The following EP300 variants were observed in gnomAD, a reference collection of about 807,000 sequenced individuals.
EP300 encodes EP300 lysine acetyltransferase.
Under a neutral mutation model 264.0 loss-of-function variants are expected in EP300, and 31 were observed. The ratio of observed to expected loss-of-function variants is 0.12; its 90% CI spans 0.09 to 0.16. EP300 has a LOEUF of 0.16. EP300 is among the 10% of genes least tolerant of loss of function. EP300 has a pLI of 1.00. For synonymous variants in EP300, 1,340 were observed against 1,045.4 expected, an observed-to-expected ratio of 1.28 and a Z score of -5.44; for missense variants, 2,766 against 3,052.9, an observed-to-expected ratio of 0.91 and a Z score of 2.21.
intron 2 of EP300, among the ~76,000 whole-genome samples, chr22:41,121,523 T>G (rs1023132400): frequency 6.6e-6 from 1 of 152,176 alleles, no homozygotes; most frequent in African/African-American, 2.4e-5. Context: ...TTGGTCACAG[T>G]GACCAAAAGT....
intron 1 of EP300, among the ~76,000 whole-genome samples, chr22:41,110,599 A>G (rs2058784456): frequency 6.6e-6 from 1 of 152,016 alleles, no homozygotes; most frequent in South Asian, 2.1e-4. Context: ...CATCCGGCCT[A>G]TATCCAGCTA....
chr22:41,127,351 T>A (rs1048003787), intron 3 of EP300, 136 bp from the exon 4 acceptor site: 51 of 1,111,304 alleles, frequency 4.6e-5, no homozygotes, highest in Non-Finnish European at 6.5e-5. Flanking sequence ...GTTTATGCAT[T>A]CCCTGTGTCA....
At chr22:41,093,839 GAT>G (rs1283932746) in intron 1 of EP300, among the ~76,000 whole-genome samples, 1 of 152,174 alleles carries the variant, frequency 6.6e-6, no homozygotes, top group Admixed American at 6.6e-5. Flanking sequence ...GGGGAAATAA[GAT>G]AAACAATTTT....
chr22:41,096,158 C>T (rs778934864), intron 1 of EP300, among the ~76,000 whole-genome samples: 1 of 151,454 alleles, frequency 6.6e-6, no homozygotes, highest in Non-Finnish European at 1.5e-5. Flanking sequence ...TCTCCCTCTC[C>T]CTCCAAAAAA....
At chr22:41,101,446 C>T (rs2058731361) in intron 1 of EP300, among the ~76,000 whole-genome samples, 1 of 148,090 alleles carries the variant, frequency 6.8e-6, no homozygotes, top group Non-Finnish European at 1.5e-5. Context: ...GAGTCTAGCT[C>T]TGTCACCCAG....
chr22:41,126,190 T>C (rs1428832081), intron 3 of EP300, 150 bp downstream of exon 3: 3 of 738,150 alleles, frequency 4.1e-6, no homozygotes, highest in South Asian at 1.7e-5. Context: ...GTGAGGAGGC[T>C]TGTGCTTCCT....
Position 41,117,177 on chromosome 22 carries a change from T to C in EP300, c.95-10T>C. 6.2e-7 allele frequency: 1 copy of C among 1,613,690 alleles called. No individual in the cohort carries two copies. The highest frequency in any genetic ancestry group is 8.5e-7 in the Non-Finnish European group (1 of 1,179,608). On this transcript the variant is annotated splice_polypyrimidine_tract_variant and intron_variant, in intron 1 of 30. Coordinates refer to ENST00000263253, the MANE Select transcript of EP300 (RefSeq NM_001429.4). ...ATACTTTGACCTTTGTCTTTTCCCTTTGCTTTTAGATTTTGGCTCTCTATT... is the reference window on the plus strand; with the variant it reads ...ATACTTTGACCTTTGTCTTTTCCCTCTGCTTTTAGATTTTGGCTCTCTATT...
intron 2 of EP300, among the ~76,000 whole-genome samples, chr22:41,125,226 C>A (rs1456082193): frequency 6.8e-6 from 1 of 146,508 alleles, no homozygotes; most frequent in Non-Finnish European, 1.5e-5. Flanking sequence ...TCACTCCATT[C>A]TCCTGCCTCA....
At chr22:41,109,489 A>G (rs376890809) in intron 1 of EP300, among the ~76,000 whole-genome samples, 1 of 152,272 alleles carries the variant, frequency 6.6e-6, no homozygotes, top group East Asian at 1.9e-4. Context: ...TGCCTGACAC[A>G]TTGAAAGTGC....
intron 26 of EP300, 74 bp from the exon 27 acceptor site, chr22:41,170,332 C>G (rs2145766140): frequency 7.0e-7 from 1 of 1,426,070 alleles, no homozygotes; most frequent in Admixed American, 1.7e-5. Context: ...TCAACTCCAA[C>G]TTGTGGTTTA....
rs1158403153 is a variant in EP300 at position 41,160,642 on chromosome 22, G to A, written c.3591G>A (p.Arg1197=). 1 of 1,613,882 alleles carries A rather than the reference G, an allele frequency of 6.2e-7. No individual in the cohort carries two copies. The highest frequency in any genetic ancestry group is 8.5e-7 in the Non-Finnish European group (1 of 1,179,872). The change falls in exon 20 of 31, where the codon AGG becomes AGA. Residue 1197 remains arginine (R), a splice_region_variant and synonymous_variant. Transcript: ENST00000263253. ...RDATYYSYQN[R]YHFCEKCFNE... ...CCCAGTATGGCCTTCTTGCCGACAG[G>A]TATCATTTCTGTGAGAAGTGTTTCA... is the stretch of plus-strand genomic sequence containing the variant.
chr22:41,126,569 A>G (rs1011772891), intron 3 of EP300, among the ~76,000 whole-genome samples: 1 of 152,038 alleles, frequency 6.6e-6, no homozygotes, highest in African/African-American at 2.4e-5. Context: ...TCTGCATTCA[A>G]CTTTGGAAAA....
intron 2 of EP300, among the ~76,000 whole-genome samples, chr22:41,122,367 T>C (rs1202613966): frequency 1.3e-5 from 2 of 152,030 alleles, no homozygotes; most frequent in Non-Finnish European, 2.9e-5. Flanking sequence ...GGTTTTACCA[T>C]GTTGGCCAGG....
rs771459649 is a variant in EP300, at chr22:41,164,128, T to C, written c.3804T>C (p.Ala1268=). The stretch of plus-strand genomic sequence containing the variant: ...TTCACCATGAGATCATCTGGCCTGC[T>C]GGGTAAGTCTTAACGTTGTTACTTT... ...CVLHHEIIWP[A]GFVCDGCLKK... The change falls in exon 22 of 31, where the codon GCT becomes GCC. Residue 1268 remains alanine (A), a splice_region_variant and synonymous_variant. Transcript: ENST00000263253. 6.2e-7 allele frequency: 1 copy of C among 1,614,028 alleles called. No individual in the cohort carries two copies. The highest frequency in any genetic ancestry group is 1.7e-5 in the Admixed American group (1 of 60,028).
rs375477580 is a variant in EP300 at position 41,168,429 on chromosome 22, T to G, written c.3875-20T>G. On this transcript the variant is annotated intron_variant, in intron 23 of 30. Transcript: ENST00000263253. ...ACAGTAAATTTGCACCTCAGTAACT[T>G]TTAACTTTTACATTCCTAGGGTTGC... 1.2e-5 allele frequency: 20 copies of G among 1,613,802 alleles called. No homozygotes were observed. Among genetic ancestry groups the G allele is most frequent in the Non-Finnish European group, 1.6e-5 (19 of 1,179,938 alleles).
chr22:41,118,070 G>A lies in EP300; in HGVS notation c.729+249G>A, dbSNP rs533337536. ...TTCTCTCTGGCACAAGTATTGGAATGTTTTTATCTCATTTCCAAGTCCAGT... is the reference window on the plus strand; with the variant it reads ...TTCTCTCTGGCACAAGTATTGGAATATTTTTATCTCATTTCCAAGTCCAGT... On this transcript the variant is annotated intron_variant, in intron 2 of 30. Transcript: ENST00000263253. 3.3e-5 allele frequency among the ~76,000 whole-genome samples: 5 copies of A among 152,286 alleles called. No homozygotes were observed. In the East Asian group the frequency reaches 9.6e-4, roughly 29 times the overall value.
At chr22:41,124,524 T>C (rs2058869838) in intron 2 of EP300, among the ~76,000 whole-genome samples, 1 of 151,718 alleles carries the variant, frequency 6.6e-6, no homozygotes, top group South Asian at 2.1e-4. Flanking sequence ...AGGCCAAGCA[T>C]GGTGGTTCAC....
At chr22:41,093,205 C>A in intron 1 of EP300, 107 bp downstream of exon 1, 1 of 1,125,532 alleles carries the variant, frequency 8.9e-7, no homozygotes, top group Non-Finnish European at 1.3e-6. Context: ...GTTCCCTGCC[C>A]CTTAATTAAT....
intron 28 of EP300, 107 bp from the exon 29 acceptor site, chr22:41,173,516 G>A: frequency 1.7e-6 from 2 of 1,159,674 alleles, no homozygotes; most frequent in Middle Eastern, 5.4e-4. Flanking sequence ...ATAAGTTACA[G>A]GCATAAGATT....
Sources: allele counts gnomAD v4.1 joint callset (sites outside exome capture counted in the v4.1 genomes callset), GRCh38; gene constraint gnomAD v4.1.1; transcripts MANE v1.5; gene names NCBI Gene and HGNC (gene_info 2026-07-23, HGNC 2026-07-21).